DNAH6: variants seen among roughly 807,000 people sequenced by gnomAD.
DNAH6 encodes axonemal beta dynein heavy chain 6.
DNAH6 carries 340 observed loss-of-function variants against 491.4 expected under a neutral mutation model. The observed-to-expected ratio is 0.69, with a 90% CI of 0.63 to 0.76. DNAH6 has a LOEUF of 0.76. DNAH6 is among the 30% of genes least tolerant of loss of function. The probability of loss-of-function intolerance (pLI) is 0.00; values close to 1 mark genes in which losing one functional copy is unlikely to be tolerated. For missense variants in DNAH6, 4,443 were observed against 4,972.2 expected (o/e 0.89, Z 3.20); for synonymous variants, 1,603 against 1,686.1 (o/e 0.95, Z 1.21).
chr2:84,488,154 G>A, the DNAH6 span, among the ~76,000 whole-genome samples: 1 of 152,150 alleles, frequency 6.6e-6, no homozygotes, highest in Non-Finnish European at 1.5e-5. Flanking sequence ...TGGTCTAGAT[G>A]CCCAACGATG....
At chr2:84,639,653 C>A (rs1425177189) in intron 31 of DNAH6, among the ~76,000 whole-genome samples, 3 of 152,038 alleles carry the variant, frequency 2.0e-5, no homozygotes, top group African/African-American at 7.2e-5. Flanking sequence ...TTCCTGACCT[C>A]AAGTGACTCA....
At chr2:84,639,033 C>T (rs1225124819) in intron 31 of DNAH6, among the ~76,000 whole-genome samples, 1 of 152,152 alleles carries the variant, frequency 6.6e-6, no homozygotes, top group African/African-American at 2.4e-5. Context: ...TCAGCCCCCA[C>T]CTTCAGCACT....
chr2:84,747,909 G>A (rs1178463124), intron 63 of DNAH6, among the ~76,000 whole-genome samples: 13 of 152,216 alleles, frequency 8.5e-5, no homozygotes, highest in Admixed American at 7.9e-4. Flanking sequence ...TTGCCCTCCA[G>A]AATAGCAGCC....
At chr2:84,780,109 T>A (rs528090493) in intron 64 of DNAH6, among the ~76,000 whole-genome samples, 17 of 152,266 alleles carry the variant, frequency 1.1e-4, no homozygotes, top group South Asian at 6.2e-4. Context: ...GATGACTATG[T>A]GTCTTGGGGA....
intron 16 of DNAH6, among the ~76,000 whole-genome samples, chr2:84,592,138 C>T (rs1162757337): frequency 6.6e-6 from 1 of 151,794 alleles, no homozygotes; most frequent in Non-Finnish European, 1.5e-5. Flanking sequence ...AAACAATCAA[C>T]AGAGTAAAAA....
intron 11 of DNAH6, among the ~76,000 whole-genome samples, chr2:84,558,832 C>T (rs1680346563): frequency 6.6e-6 from 1 of 152,160 alleles, no homozygotes; most frequent in African/African-American, 2.4e-5. Flanking sequence ...TTGCTTCTCT[C>T]CTACATTTCT....
intron 63 of DNAH6, among the ~76,000 whole-genome samples, chr2:84,748,189 G>T (rs1011117889): frequency 1.3e-5 from 2 of 151,396 alleles, no homozygotes; most frequent in Non-Finnish European, 3.0e-5. Flanking sequence ...TGTTCTGCAG[G>T]CCTCTTAGAA....
At chr2:84,792,306 A>G (rs893923083) in intron 68 of DNAH6, among the ~76,000 whole-genome samples, 2 of 152,244 alleles carry the variant, frequency 1.3e-5, no homozygotes, top group African/African-American at 4.8e-5. Context: ...GTTGTACAAT[A>G]TAGCACTTAC....
intron 11 of DNAH6, among the ~76,000 whole-genome samples, chr2:84,563,832 G>GGAT (rs1680905064): frequency 6.6e-6 from 1 of 151,982 alleles, no homozygotes; most frequent in African/African-American, 2.4e-5. Flanking sequence ...GTTTGAGATT[G>GGAT]TACATTTAAA....
At chr2:84,638,831 C>A (rs1203773166) in intron 31 of DNAH6, among the ~76,000 whole-genome samples, 1 of 152,026 alleles carries the variant, frequency 6.6e-6, no homozygotes, top group African/African-American at 2.4e-5. Context: ...CCTTAAGGAG[C>A]TTTTACTCAT....
intron 4 of DNAH6, among the ~76,000 whole-genome samples, chr2:84,536,893 C>A (rs975657976): frequency 3.3e-5 from 5 of 151,914 alleles, no homozygotes; most frequent in African/African-American, 1.2e-4. Context: ...TATTATATCC[C>A]TAATTTGGGA....
chr2:84,489,581 T>C, the DNAH6 span, among the ~76,000 whole-genome samples: 1 of 152,164 alleles, frequency 6.6e-6, no homozygotes, highest in African/African-American at 2.4e-5. Flanking sequence ...TTCCTTTTTT[T>C]CTTTCTTTCT....
At chr2:84,565,492 C>T in intron 11 of DNAH6, among the ~76,000 whole-genome samples, 1 of 152,078 alleles carries the variant, frequency 6.6e-6, no homozygotes, top group South Asian at 2.1e-4. Flanking sequence ...TAGAATTGTT[C>T]ATAATAGTCT....
intron 35 of DNAH6, 58 bp from the exon 36 acceptor site, chr2:84,658,234 C>G: frequency 8.1e-7 from 1 of 1,241,154 alleles, no homozygotes; most frequent in Middle Eastern, 2.8e-4. Context: ...CAACCTAATT[C>G]TAAACTTAAT....
Position 84,550,072 on chromosome 2 carries a change from A to C in DNAH6, c.1485+15A>C. The C allele has an allele frequency of 1.3e-6, 2 of 1,597,492 alleles. No homozygotes were observed. The highest frequency in any genetic ancestry group is 1.7e-6 in the Non-Finnish European group (2 of 1,167,560). On this transcript the variant is annotated intron_variant, in intron 9 of 76. Transcript: ENST00000389394. ...CTGATAAAAAGGTATACTCACACAA[A>C]ATTAAGAATATTTTATTGGTCAGCA...
chr2:84,549,699 G>A (rs1405376343), intron 8 of DNAH6, among the ~76,000 whole-genome samples, 190 bp from the exon 9 acceptor site: 1 of 152,100 alleles, frequency 6.6e-6, no homozygotes, highest in East Asian at 1.9e-4. Flanking sequence ...ATATATTTGT[G>A]TTTTAAAAGG....
chr2:84,595,821 T>C (rs1356890868), intron 18 of DNAH6, 32 bp downstream of exon 18: 3 of 1,521,342 alleles, frequency 2.0e-6, no homozygotes, highest in Non-Finnish European at 2.6e-6. Context: ...TCAAAAACTG[T>C]AGGCCAGTTG....
intron 68 of DNAH6, among the ~76,000 whole-genome samples, chr2:84,787,614 T>G (rs1368956711): frequency 1.3e-5 from 2 of 152,118 alleles, no homozygotes; most frequent in African/African-American, 4.8e-5. Flanking sequence ...CGTAATAACC[T>G]TACAATGTGA....
intron 15 of DNAH6, among the ~76,000 whole-genome samples, chr2:84,585,284 T>G (rs1171293000): frequency 1.3e-5 from 2 of 152,224 alleles, no homozygotes; most frequent in Non-Finnish European, 2.9e-5. Flanking sequence ...TGTCCCCTCC[T>G]AATTACTCAT....
Sources: allele counts gnomAD v4.1 joint callset (sites outside exome capture counted in the v4.1 genomes callset), GRCh38; gene constraint gnomAD v4.1.1; transcripts MANE v1.5; gene names NCBI Gene and HGNC (gene_info 2026-07-23, HGNC 2026-07-21).